The following TFDP1 variants were observed in gnomAD, a reference collection of about 807,000 sequenced individuals.
TFDP1 encodes the protein transcription factor Dp-1.
A neutral mutation model predicts 48.0 loss-of-function variants in TFDP1; 6 were observed. The ratio of observed to expected loss-of-function variants is 0.13; its 90% CI spans 0.07 to 0.25. The LOEUF is 0.25. Ranked by LOEUF, TFDP1 falls within the 10% of genes least tolerant of loss-of-function variation. The pLI is 1.00. For synonymous variants in TFDP1, 201 were observed against 211.6 expected, an observed-to-expected ratio of 0.95 and a Z score of 0.44; for missense variants, 335 against 543.0, an observed-to-expected ratio of 0.62 and a Z score of 3.81.
In TFDP1 at chr13:113,633,089, A is replaced by G. The variant is rs775287085; in HGVS notation, c.309-31A>G. 1.3e-5 allele frequency: 21 copies of G among 1,613,142 alleles called. No individual in the cohort carries two copies. Among genetic ancestry groups the G allele is most frequent in the Non-Finnish European group, 1.8e-5 (21 of 1,179,638 alleles). On this transcript the variant is annotated intron_variant, in intron 5 of 11. Transcript: ENST00000375370. The surrounding 1 kb of genome is among the most constrained non-coding windows in gnomAD (Gnocchi z 4.5). ...CAGGCTGATCCTCAGGAGGGCTGAC[A>G]GTCGCTTCTCTTTTCCTTTGTATTT...
Position 113,633,092 on chromosome 13 carries a change from C to A in TFDP1, c.309-28C>A. The A allele has an allele frequency of 1.2e-6, 2 of 1,613,154 alleles. No homozygotes were observed. Among genetic ancestry groups the A allele is most frequent in the South Asian group, 2.2e-5 (2 of 90,938 alleles). ...GCTGATCCTCAGGAGGGCTGACAGT[C>A]GCTTCTCTTTTCCTTTGTATTTTGA... On this transcript the variant is annotated intron_variant, in intron 5 of 11. Coordinates refer to ENST00000375370, the MANE Select transcript of TFDP1 (RefSeq NM_007111.5). This position sits in a 1 kb window ranked among gnomAD's most constrained non-coding sequence, Gnocchi z 4.5.
intron 11 of TFDP1, 45 bp from the exon 12 acceptor site, chr13:113,640,075 G>A (rs1322238396): frequency 2.8e-6 from 4 of 1,447,156 alleles, no homozygotes; most frequent in Admixed American, 2.2e-5. Context: ...GGGAGGCTGG[G>A]TGGGCCGCCT....
At chr13:113,611,628 G>C (rs1177384224) in intron 3 of TFDP1, among the ~76,000 whole-genome samples, 1 of 152,190 alleles carries the variant, frequency 6.6e-6, no homozygotes, top group African/African-American at 2.4e-5. Context: ...TTTACACCTC[G>C]GAGTGGTGCT....
At position 113,607,104 on chromosome 13, in the gene TFDP1, C is replaced by T. The variant is rs1056182646; in HGVS notation, c.13-3892C>T. 6.6e-6 allele frequency among the ~76,000 whole-genome samples: 1 copy of T among 152,244 alleles called. No individual in the cohort carries two copies. Among genetic ancestry groups the T allele is most frequent in the African/African-American group, 2.4e-5 (1 of 41,462 alleles). On this transcript the variant is annotated intron_variant, in intron 2 of 11. Transcript: ENST00000375370. The surrounding 1 kb of genome is among the most constrained non-coding windows in gnomAD (Gnocchi z 5.2). ...TCCGGAGATGATTCTGGTTGTCCCACCCAGGGTGAATGAAGGCTGAAGATG... is the reference window on the plus strand; with the variant it reads ...TCCGGAGATGATTCTGGTTGTCCCATCCAGGGTGAATGAAGGCTGAAGATG...
At chr13:113,632,167 G>T (rs572871999) in intron 5 of TFDP1, among the ~76,000 whole-genome samples, 1 of 152,188 alleles carries the variant, frequency 6.6e-6, no homozygotes, top group Non-Finnish European at 1.5e-5. Flanking sequence ...GGGTGGTCCC[G>T]CCAGAGCTGC....
At chr13:113,626,193 A>T (rs574044288) in intron 4 of TFDP1, among the ~76,000 whole-genome samples, 85 of 152,106 alleles carry the variant, frequency 5.6e-4, no homozygotes, top group African/African-American at 2.0e-3. Flanking sequence ...AGGCATCCTC[A>T]GGTGTCCCTG....
chr13:113,625,150 C>A (rs2049108290), intron 4 of TFDP1, among the ~76,000 whole-genome samples: 2 of 124,300 alleles, frequency 1.6e-5, no homozygotes, highest in Admixed American at 8.7e-5. Context: ...TCTCACGTGT[C>A]CTCAGGTGTC....
At chr13:113,629,774 G>A (rs937069922) in intron 4 of TFDP1, among the ~76,000 whole-genome samples, 1 of 152,154 alleles carries the variant, frequency 6.6e-6, no homozygotes, top group Non-Finnish European at 1.5e-5. Flanking sequence ...TCAGTTCCTC[G>A]TTGTAAGTCC....
At chr13:113,635,370 G>A (rs546907636) in intron 8 of TFDP1, among the ~76,000 whole-genome samples, 10 of 152,342 alleles carry the variant, frequency 6.6e-5, no homozygotes, top group African/African-American at 1.9e-4. Context: ...CTGGTTGCCA[G>A]TGCCTTAGGA....
In TFDP1 at chr13:113,627,288, G is replaced by A. The variant is rs1023256341; in HGVS notation, c.186+4002G>A. Among the ~76,000 whole-genome samples, 2 of 152,134 alleles carry A rather than the reference G, an allele frequency of 1.3e-5. No individual in the cohort carries two copies. Among genetic ancestry groups the A allele is most frequent in the Non-Finnish European group, 2.9e-5 (2 of 68,016 alleles). On this transcript the variant is annotated intron_variant, in intron 4 of 11. Transcript: ENST00000375370. This position sits in a 1 kb window ranked among gnomAD's most constrained non-coding sequence, Gnocchi z 4.1. ...GGTGCGGATGCTTGTGAAGCCTGTGGTGCTGCAGAGCTCAGCACGCGCACA... is the reference window on the plus strand; with the variant it reads ...GGTGCGGATGCTTGTGAAGCCTGTGATGCTGCAGAGCTCAGCACGCGCACA...
intron 2 of TFDP1, among the ~76,000 whole-genome samples, chr13:113,591,241 C>G (rs1269387220): frequency 6.8e-6 from 1 of 147,010 alleles, no homozygotes; most frequent in Non-Finnish European, 1.5e-5. Context: ...ACTCTCGAGG[C>G]TGAGAAGGAG....
rs2049479257 is a variant in TFDP1 at position 113,636,084 on chromosome 13, C to T, written c.795C>T (p.Asn265=). The T allele has an allele frequency of 3.1e-6, 5 of 1,614,252 alleles. No individual in the cohort carries two copies. In the Admixed American group the frequency reaches 8.3e-5, roughly 27 times the overall value. ...TCCACCTGCCCTTCATCATCGTCAACACCAGCAAGAAGACGGTCATCGACT... is the reference window on the plus strand; with the variant it reads ...TCCACCTGCCCTTCATCATCGTCAATACCAGCAAGAAGACGGTCATCGACT... ...SVIHLPFIIV[N]TSKKTVIDCS... The change falls in exon 9 of 12, where the codon AAC becomes AAT. Residue 265 remains asparagine (N), a synonymous_variant. Coordinates refer to ENST00000375370, the MANE Select transcript of TFDP1 (RefSeq NM_007111.5).
At chr13:113,595,238 C>A (rs1031675461) in intron 2 of TFDP1, among the ~76,000 whole-genome samples, 1 of 152,228 alleles carries the variant, frequency 6.6e-6, no homozygotes, top group African/African-American at 2.4e-5. Flanking sequence ...GTCCCCAAAT[C>A]TCTTGGCTCT....
intron 3 of TFDP1, among the ~76,000 whole-genome samples, chr13:113,621,221 G>A (rs2048986885): frequency 6.6e-6 from 1 of 152,222 alleles, no homozygotes; most frequent in South Asian, 2.1e-4. Flanking sequence ...GCGGCCGTCC[G>A]GGGAGGCCCA....
chr13:113,639,627 G>GT (rs1177909386), intron 11 of TFDP1, among the ~76,000 whole-genome samples: 1 of 152,196 alleles, frequency 6.6e-6, no homozygotes, highest in Non-Finnish European at 1.5e-5. Context: ...CATTAGGAAC[G>GT]TAGTGAGCTC....
intron 3 of TFDP1, among the ~76,000 whole-genome samples, chr13:113,614,344 C>G (rs2048804242): frequency 6.6e-6 from 1 of 152,160 alleles, no homozygotes; most frequent in African/African-American, 2.4e-5. Flanking sequence ...CCCCTTGCCT[C>G]TAGTTGGGAG....
At chr13:113,628,645 C>G (rs1007577909) in intron 4 of TFDP1, among the ~76,000 whole-genome samples, 1 of 152,246 alleles carries the variant, frequency 6.6e-6, no homozygotes, top group African/African-American at 2.4e-5. Flanking sequence ...GCTGTGACCA[C>G]TTCTCCCTTC....
rs1266635924 is a variant in TFDP1, at chr13:113,633,553, T to A, written c.474+268T>A. Among the ~76,000 whole-genome samples, 8 of 152,234 alleles carry A rather than the reference T, an allele frequency of 5.3e-5. No individual in the cohort carries two copies. The highest frequency in any genetic ancestry group is 8.8e-5 in the Non-Finnish European group (6 of 68,042). ...GCCAAGTACAGCATAAAAGAATTTT[T>A]CCGATCCATTTGCTGGCACGATGCT... On this transcript the variant is annotated intron_variant, in intron 6 of 11. Coordinates refer to ENST00000375370, the MANE Select transcript of TFDP1 (RefSeq NM_007111.5). This position sits in a 1 kb window ranked among gnomAD's most constrained non-coding sequence, Gnocchi z 4.5.
At chr13:113,621,540 A>G (rs1004644583) in intron 3 of TFDP1, among the ~76,000 whole-genome samples, 25 of 152,262 alleles carry the variant, frequency 1.6e-4, no homozygotes, top group Admixed American at 3.3e-4. Flanking sequence ...CAATATTACA[A>G]TAATCCTCAC....
Sources: allele counts gnomAD v4.1 joint callset (sites outside exome capture counted in the v4.1 genomes callset), GRCh38; gene constraint gnomAD v4.1.1; non-coding constraint Gnocchi (gnomAD v3.1); transcripts MANE v1.5; gene names NCBI Gene and HGNC (gene_info 2026-07-23, HGNC 2026-07-21).